THRB: variants seen among roughly 807,000 people sequenced by gnomAD.
THRB encodes thyroid hormone receptor beta.
THRB carries 12 observed loss-of-function variants against 47.8 expected under a neutral mutation model. The ratio of observed to expected loss-of-function variants is 0.25; its 90% confidence interval spans 0.16 to 0.41. The LOEUF is 0.41. THRB is among the 10% of genes least tolerant of loss of function. The pLI, the probability that THRB is intolerant of heterozygous loss-of-function variation, is 1.00. For synonymous variants in THRB, 218 were observed against 212.2 expected (o/e 1.03, Z -0.24); for missense variants, 348 against 589.2 (o/e 0.59, Z 4.24).
rs542370172 is a variant in THRB at position 24,357,321 on chromosome 3, C to T, written c.-260-19950G>A. Among the ~76,000 whole-genome samples the T allele has an allele frequency of 2.5e-4, 27 of 109,030 alleles. No individual in the cohort carries two copies. In the South Asian group the frequency reaches 7.3e-3, roughly 30 times the overall value. 71.5% of individuals were successfully genotyped at this position (109,030 alleles called of 152,430 possible). ...TGACTTTCTCAGTCTTAATCTTGTGCCAGGACTGGAATCCTTGTCTCTCCC... is the reference window on the plus strand; with the variant it reads ...TGACTTTCTCAGTCTTAATCTTGTGTCAGGACTGGAATCCTTGTCTCTCCC... On this transcript the variant is annotated intron_variant, in intron 1 of 10. Coordinates refer to ENST00000646209, the MANE Select transcript of THRB (RefSeq NM_001354712.2).
chr3:24,229,242 C>A (rs1965855), intron 3 of THRB, among the ~76,000 whole-genome samples: 1 of 151,736 alleles, frequency 6.6e-6, no homozygotes, highest in South Asian at 2.1e-4. Context: ...TTTTATCAAG[C>A]GCACATTTTT....
intron 1 of THRB, among the ~76,000 whole-genome samples, chr3:24,385,880 ACCCT>A (rs2066061668): frequency 6.6e-6 from 1 of 152,008 alleles, no homozygotes; most frequent in Non-Finnish European, 1.5e-5. Context: ...ATCAACTCCT[ACCCT>A]AAACTGAAAG....
intron 3 of THRB, among the ~76,000 whole-genome samples, chr3:24,234,579 G>A (rs575683918): frequency 1.3e-5 from 2 of 152,222 alleles, no homozygotes; most frequent in East Asian, 1.9e-4. Context: ...ACCAACTCAG[G>A]CTTTAGATCA....
intron 3 of THRB, among the ~76,000 whole-genome samples, chr3:24,276,001 G>A (rs913002688): frequency 2.6e-5 from 4 of 151,910 alleles, no homozygotes; most frequent in African/African-American, 9.7e-5. Context: ...GGGACTGCAA[G>A]AGAAGAAAGA....
At chr3:24,278,878 C>A (rs544419906) in intron 3 of THRB, among the ~76,000 whole-genome samples, 4 of 152,168 alleles carry the variant, frequency 2.6e-5, no homozygotes, top group African/African-American at 9.7e-5. Context: ...CAGGGTCTCA[C>A]TCTGGGTCCA....
intron 3 of THRB, among the ~76,000 whole-genome samples, chr3:24,242,347 T>C (rs896258299): frequency 3.9e-5 from 6 of 152,248 alleles, no homozygotes; most frequent in African/African-American, 1.2e-4. Flanking sequence ...TAGAACCAGA[T>C]TGCTGATTCA....
intron 3 of THRB, among the ~76,000 whole-genome samples, chr3:24,260,740 T>C (rs1161028559): frequency 6.6e-6 from 1 of 152,170 alleles, no homozygotes; most frequent in African/African-American, 2.4e-5. Context: ...CTCCAACAAC[T>C]TCCCTCCAGT....
intron 1 of THRB, among the ~76,000 whole-genome samples, chr3:24,490,354 T>C (rs1697952970): frequency 6.6e-6 from 1 of 152,192 alleles, no homozygotes; most frequent in Non-Finnish European, 1.5e-5. Context: ...TATGATGCAA[T>C]GCAGGCAGCA....
chr3:24,479,657 A>G (rs1696069303), intron 1 of THRB, among the ~76,000 whole-genome samples: 1 of 152,210 alleles, frequency 6.6e-6, no homozygotes. Flanking sequence ...TGGTGTGGTC[A>G]GCTTAGTGTT....
intron 3 of THRB, among the ~76,000 whole-genome samples, chr3:24,286,486 G>T (rs868710949): frequency 1.3e-5 from 2 of 152,160 alleles, no homozygotes; most frequent in Non-Finnish European, 2.9e-5. Flanking sequence ...GTACATAAGA[G>T]ACTTAATGCA....
In THRB at chr3:24,471,217, G is replaced by A. The variant is rs759615759; in HGVS notation, c.-261+23435C>T. Among the ~76,000 whole-genome samples, 5 of 152,152 alleles carry A rather than the reference G, an allele frequency of 3.3e-5. No homozygotes were observed. In the South Asian group the frequency reaches 6.2e-4, roughly 19 times the overall value. ...AGAAGTTTCCAGGAGCATCAGCATC[G>A]TCTGGGAAATTGTGTGACATGTAAA... On this transcript the variant is annotated intron_variant, in intron 1 of 10. Coordinates refer to ENST00000646209, the MANE Select transcript of THRB (RefSeq NM_001354712.2).
At chr3:24,300,350 C>G (rs918194334) in intron 2 of THRB, among the ~76,000 whole-genome samples, 1 of 152,192 alleles carries the variant, frequency 6.6e-6, no homozygotes, top group African/African-American at 2.4e-5. Context: ...ACCTAATACT[C>G]ATCCATCCAT....
intron 4 of THRB, among the ~76,000 whole-genome samples, chr3:24,198,485 G>T (rs1438439623): frequency 3.6e-5 from 4 of 112,636 alleles, no homozygotes; most frequent in Non-Finnish European, 6.5e-5. Flanking sequence ...TTAACTACTA[G>T]TAATTACAGA....
intron 3 of THRB, among the ~76,000 whole-genome samples, chr3:24,229,555 C>T (rs1256248250): frequency 3.9e-5 from 6 of 152,196 alleles, no homozygotes; most frequent in African/African-American, 1.4e-4. Context: ...CTAGTCAGAG[C>T]TGAACTCCCC....
rs2031619048 is a variant in THRB, at chr3:24,121,176, A to T, written c.*1708T>A. ...AAATTCAGACAATATTAAGGGCAGG[A>T]AGGGTTTTAGAGATCATGACTTATT... On this transcript the variant is annotated 3_prime_UTR_variant, in exon 11 of 11. Coordinates refer to ENST00000646209, the MANE Select transcript of THRB (RefSeq NM_001354712.2). 6.6e-6 allele frequency: 1 copy of T among 152,264 alleles called. No individual in the cohort carries two copies. The highest frequency in any genetic ancestry group is 2.1e-4 in the South Asian group (1 of 4,824). 9.4% of individuals were successfully genotyped at this position (152,264 alleles called of 1,614,324 possible).
intron 5 of THRB, among the ~76,000 whole-genome samples, chr3:24,168,488 A>AC (rs2039960908): frequency 7.6e-6 from 1 of 131,312 alleles, no homozygotes; most frequent in African/African-American, 3.0e-5. Context: ...GTTTCAATCA[A>AC]TAATATATAT....
chr3:24,487,149 G>T (rs1354356179), intron 1 of THRB, among the ~76,000 whole-genome samples: 3 of 147,750 alleles, frequency 2.0e-5, no homozygotes, highest in Non-Finnish European at 4.4e-5. Flanking sequence ...AGTTGCTAGG[G>T]GTTTGTGTGT....
At position 24,184,726 on chromosome 3, in the gene THRB, A is replaced by G. The variant is rs974285392; in HGVS notation, c.283+5348T>C. Among the ~76,000 whole-genome samples, 4 of 152,194 alleles carry G rather than the reference A, an allele frequency of 2.6e-5. No individual in the cohort carries two copies. In the East Asian group the frequency reaches 5.8e-4, roughly 22 times the overall value. ...AAGGTTCCCAGAGTGCCCTTGAGGT[A>G]TAAGAATCACTGGCACTCTCAGTTG... On this transcript the variant is annotated intron_variant, in intron 5 of 10. Transcript: ENST00000646209.
chr3:24,268,614 T>C (rs1269886898), intron 3 of THRB, among the ~76,000 whole-genome samples: 1 of 152,188 alleles, frequency 6.6e-6, no homozygotes, highest in African/African-American at 2.4e-5. Flanking sequence ...TAAAATGGCA[T>C]TTATAATGTG....
Sources: allele counts gnomAD v4.1 joint callset (sites outside exome capture counted in the v4.1 genomes callset), GRCh38; gene constraint gnomAD v4.1.1; transcripts MANE v1.5; gene names NCBI Gene and HGNC (gene_info 2026-07-23, HGNC 2026-07-21).